Variants in CYP27C1 observed in about 807,000 individuals in gnomAD.
The protein encoded by CYP27C1 is cytochrome P450 family 27 subfamily C member 1.
Under a neutral mutation model 40.6 loss-of-function variants are expected in CYP27C1, and 29 were observed. The observed-to-expected ratio is 0.71, with a 90% CI of 0.53 to 0.97. The LOEUF (loss-of-function observed/expected upper bound fraction) is 0.97, where lower values mean the gene tolerates loss of function less well. CYP27C1 is among the 50% of genes least tolerant of loss of function. CYP27C1 has a pLI of 0.00. For missense variants in CYP27C1, 390 were observed against 485.8 expected, an observed-to-expected ratio of 0.80 and a Z score of 1.85; for synonymous variants, 198 against 186.8, an observed-to-expected ratio of 1.06 and a Z score of -0.49.
Position 127,203,530 on chromosome 2 carries a change from T to G in CYP27C1, c.515A>C (p.Gln172Pro), listed in dbSNP as rs778438326. The change falls in exon 3 of 9, where the codon CAA becomes CCA. Residue 172 changes from glutamine (Q) to proline (P), a missense_variant. Coordinates refer to ENST00000664447, the MANE Select transcript of CYP27C1 (RefSeq NM_001367502.1). The stretch of plus-strand genomic sequence containing the variant: ...CACATCTTTCGGTTTCAGAATTCTT[T>G]GTCTCAATACGCTTCTCATCTTGAG... ...QWLKMRSVLRQRILKPKDVAI... is the reference protein window; with the variant it reads ...QWLKMRSVLRPRILKPKDVAI... The G allele has an allele frequency of 1.9e-6, 3 of 1,614,070 alleles. No individual in the cohort carries two copies. The South Asian group carries it at 3.3e-5, about 18-fold the overall frequency.
chr2:127,200,188 C>T lies in CYP27C1; in HGVS notation c.884-649G>A, dbSNP rs1474056460. Among the ~76,000 whole-genome samples the T allele has an allele frequency of 6.6e-6, 1 of 152,202 alleles. No homozygotes were observed. Among genetic ancestry groups the T allele is most frequent in the Non-Finnish European group, 1.5e-5 (1 of 68,030 alleles). ...AGAGACGCAGTTTCGCCATGTTGGC[C>T]AGGCTGGTCTTTAACTACTGACCTC... On this transcript the variant is annotated intron_variant, in intron 4 of 8. Transcript: ENST00000664447. The surrounding 1 kb of genome is among the most constrained non-coding windows in gnomAD (Gnocchi z 4.2).
intron 8 of CYP27C1, among the ~76,000 whole-genome samples, chr2:127,189,300 G>T (rs1682709440): frequency 6.6e-6 from 1 of 151,352 alleles, no homozygotes; most frequent in East Asian, 1.9e-4. Flanking sequence ...CACCATGAAA[G>T]CTGTCCCTTT....
At chr2:127,212,587 G>A (rs1243477070) in intron 1 of CYP27C1, among the ~76,000 whole-genome samples, 1 of 152,192 alleles carries the variant, frequency 6.6e-6, no homozygotes, top group Non-Finnish European at 1.5e-5. Flanking sequence ...CTCAATAGAT[G>A]CAGAAAACGC....
intron 8 of CYP27C1, among the ~76,000 whole-genome samples, chr2:127,191,756 G>A (rs1682780048): frequency 6.6e-6 from 1 of 152,210 alleles, no homozygotes; most frequent in South Asian, 2.1e-4. Context: ...AGAACTGAGG[G>A]TGAAGCCAGC....
chr2:127,196,834 C>A lies in CYP27C1; in HGVS notation c.1048-1333G>T, dbSNP rs192057682. On this transcript the variant is annotated intron_variant, in intron 5 of 8. Transcript: ENST00000664447. The surrounding 1 kb of genome is among the most constrained non-coding windows in gnomAD (Gnocchi z 4.5). Reference sequence around the variant, plus strand: ...GAGTCATTCTTCTGAGTGCAGGAAGCCAGATGGAAAAGACAGCATGCTATA... The same window carrying A: ...GAGTCATTCTTCTGAGTGCAGGAAGACAGATGGAAAAGACAGCATGCTATA... Among the ~76,000 whole-genome samples, 21 of 152,158 alleles carry A rather than the reference C, an allele frequency of 1.4e-4. No individual in the cohort carries two copies. Among genetic ancestry groups the A allele is most frequent in the African/African-American group, 4.1e-4 (17 of 41,506 alleles).
intron 8 of CYP27C1, among the ~76,000 whole-genome samples, chr2:127,192,056 C>A (rs1193331938): frequency 6.6e-6 from 1 of 152,222 alleles, no homozygotes; most frequent in Non-Finnish European, 1.5e-5. Flanking sequence ...CCCAGCCAAC[C>A]AGGCTTCCCT....
rs1683297237 is a variant in CYP27C1 at position 127,209,530 on chromosome 2, A to G, written c.283-3440T>C. 6.6e-6 allele frequency among the ~76,000 whole-genome samples: 1 copy of G among 152,236 alleles called. No individual in the cohort carries two copies. The highest frequency in any genetic ancestry group is 1.5e-5 in the Non-Finnish European group (1 of 68,042). On this transcript the variant is annotated intron_variant, in intron 1 of 8. Transcript: ENST00000664447. The surrounding 1 kb of genome is among the most constrained non-coding windows in gnomAD (Gnocchi z 4.1). ...GAGGATCAGATGGACGAATTGACAG[A>G]AGTACACTTCAGAAGATGGGTAATA...
Position 127,193,312 on chromosome 2 carries a change from G to A in CYP27C1, c.1294-15C>T. 6.2e-7 allele frequency: 1 copy of A among 1,613,930 alleles called. No homozygotes were observed. Among genetic ancestry groups the A allele is most frequent in the Non-Finnish European group, 8.5e-7 (1 of 1,179,946 alleles). On this transcript the variant is annotated splice_polypyrimidine_tract_variant and intron_variant, in intron 7 of 8. Coordinates refer to ENST00000664447, the MANE Select transcript of CYP27C1 (RefSeq NM_001367502.1). ...GCCAGCTGGGTCTGAGGAAATCAGG[G>A]ATGACAGAAAAGGGAAAAGGGGCAG...
intron 8 of CYP27C1, among the ~76,000 whole-genome samples, chr2:127,188,463 C>T (rs1682688556): frequency 6.6e-6 from 1 of 152,120 alleles, no homozygotes; most frequent in South Asian, 2.1e-4. Context: ...CTCCTGAACT[C>T]CTAACCTCCA....
At chr2:127,206,257 G>A (rs1264724457) in intron 1 of CYP27C1, among the ~76,000 whole-genome samples, 167 bp from the exon 2 acceptor site, 1 of 152,026 alleles carries the variant, frequency 6.6e-6, no homozygotes, top group African/African-American at 2.4e-5. Flanking sequence ...AGATAAACAT[G>A]TTTTCACATA....
chr2:127,214,386 G>A (rs114705178), intron 1 of CYP27C1, among the ~76,000 whole-genome samples: 2,103 of 152,180 alleles, frequency 0.014, 51 homozygotes, highest in African/African-American at 0.048. Context: ...TTACAGCAGC[G>A]CTATTTACAG....
In CYP27C1 at chr2:127,209,911, G is replaced by A. The variant is rs1221919308; in HGVS notation, c.283-3821C>T. On this transcript the variant is annotated intron_variant, in intron 1 of 8. Coordinates refer to ENST00000664447, the MANE Select transcript of CYP27C1 (RefSeq NM_001367502.1). This position sits in a 1 kb window ranked among gnomAD's most constrained non-coding sequence, Gnocchi z 4.1. ...TCGACTGGAGCACCAGAAGGAGACGGGGAGAATGGAAACAAGCTGGAAAAC... is the reference window on the plus strand; with the variant it reads ...TCGACTGGAGCACCAGAAGGAGACGAGGAGAATGGAAACAAGCTGGAAAAC... Among the ~76,000 whole-genome samples the A allele has an allele frequency of 6.6e-6, 1 of 152,176 alleles. No individual in the cohort carries two copies. Among genetic ancestry groups the A allele is most frequent in the Non-Finnish European group, 1.5e-5 (1 of 68,028 alleles).
Position 127,217,055 on chromosome 2 carries a change from C to T in CYP27C1, c.282+2934G>A, listed in dbSNP as rs759229608. 5.3e-5 allele frequency among the ~76,000 whole-genome samples: 8 copies of T among 152,210 alleles called. No homozygotes were observed. The South Asian group carries it at 1.4e-3, about 28-fold the overall frequency. ...CTAAAGGGGCCCACTGAAGGAATGA[C>T]TGGTAACAAGAACTACTGGGAAATG... On this transcript the variant is annotated intron_variant, in intron 1 of 8. Coordinates refer to ENST00000664447, the MANE Select transcript of CYP27C1 (RefSeq NM_001367502.1).
intron 1 of CYP27C1, among the ~76,000 whole-genome samples, chr2:127,207,447 GA>G (rs1683250770): frequency 6.6e-6 from 1 of 152,102 alleles, no homozygotes; most frequent in Non-Finnish European, 1.5e-5. Context: ...TGAGCCGCAA[GA>G]CTGCGCCATT....
rs1324702800 is a variant in CYP27C1, at chr2:127,184,721, G to A, written c.*2550C>T. On this transcript the variant is annotated 3_prime_UTR_variant, in exon 9 of 9. Transcript: ENST00000664447. ...GCCACCTCGCCTGGCCCCTCCTCTT[G>A]TTTTTTGCCTGTCACGTATTTGTTT... 6.6e-6 allele frequency: 1 copy of A among 152,254 alleles called. No individual in the cohort carries two copies. Among genetic ancestry groups the A allele is most frequent in the Non-Finnish European group, 1.5e-5 (1 of 68,164 alleles). The allele number at this position is 152,254 out of a possible 1,614,324, so 9.4% of individuals were successfully genotyped here.
chr2:127,204,551 G>GAGAGAGAGAGAGAAAGAAAGAAAGAA (rs1558931344), intron 2 of CYP27C1, among the ~76,000 whole-genome samples: 1 of 51,244 alleles, frequency 2.0e-5, no homozygotes, highest in African/African-American at 6.8e-5. Flanking sequence ...GAGAGAGAGA[G>GAGAGAGAGAGAGAAAGAAAGAAAGAA]AGAGAGAAAG....
At chr2:127,193,713 CT>C in intron 7 of CYP27C1, 75 bp downstream of exon 7, 1 of 1,512,660 alleles carries the variant, frequency 6.6e-7, no homozygotes, top group Non-Finnish European at 9.2e-7. Context: ...GGGACAAAGA[CT>C]TCCTGAAGGT....
At chr2:127,190,673 G>A (rs1441499913) in intron 8 of CYP27C1, among the ~76,000 whole-genome samples, 10 of 149,802 alleles carry the variant, frequency 6.7e-5, no homozygotes, top group African/African-American at 1.2e-4. Context: ...TGGGCCAAGC[G>A]TGCTGGCTCA....
rs908192630 is a variant in CYP27C1 at position 127,197,864 on chromosome 2, T to TC, written c.1047+1511dup. On this transcript the variant is annotated intron_variant, in intron 5 of 8. Transcript: ENST00000664447. ...TTTTGAAAGGAACTTGGCTCCTTAT[T>TC]CCCCCCGGACCATGCCACCCCCAGC... Among the ~76,000 whole-genome samples, 21 of 151,352 alleles carry TC rather than the reference T, an allele frequency of 1.4e-4. No homozygotes were observed. In the Admixed American group the frequency reaches 1.4e-3, roughly 10 times the overall value.
Sources: gnomAD v4.1 joint callset for allele counts (sites outside exome capture counted in the v4.1 genomes callset) on GRCh38, gnomAD v4.1.1 for gene constraint, Gnocchi (gnomAD v3.1) non-coding constraint, MANE v1.5 for transcripts, NCBI Gene and HGNC (gene_info 2026-07-23, HGNC 2026-07-21) for gene names.